NEGR1: variants seen among roughly 807,000 people sequenced by gnomAD.
NEGR1 encodes neuronal growth regulator 1, also known as IgLON family member 4.
NEGR1 carries 10 observed loss-of-function variants against 40.9 expected under a neutral mutation model. That is an observed-to-expected ratio of 0.24 (90% CI 0.15 to 0.42). The LOEUF (loss-of-function observed/expected upper bound fraction) is 0.42. Among genes scored for constraint, NEGR1 ranks in the 10% least tolerant of loss-of-function variants. The pLI is 1.00. For synonymous variants in NEGR1, 185 were observed against 166.8 expected, an observed-to-expected ratio of 1.11 and a Z score of -0.84; for missense variants, 352 against 438.9, an observed-to-expected ratio of 0.80 and a Z score of 1.77.
intron 1 of NEGR1, among the ~76,000 whole-genome samples, chr1:72,172,218 C>A (rs995743273): frequency 1.5e-4 from 23 of 152,056 alleles, no homozygotes; most frequent in African/African-American, 5.6e-4. Flanking sequence ...GAATTTCTTC[C>A]ACCTTAGGCA....
intron 1 of NEGR1, among the ~76,000 whole-genome samples, chr1:72,076,995 A>G (rs1647772732): frequency 6.7e-6 from 1 of 148,302 alleles, no homozygotes; most frequent in Non-Finnish European, 1.5e-5. Flanking sequence ...CCTGGGTTCA[A>G]GTGATTCTCC....
At chr1:72,061,814 A>G (rs1017880714) in intron 1 of NEGR1, among the ~76,000 whole-genome samples, 3 of 151,794 alleles carry the variant, frequency 2.0e-5, no homozygotes, top group African/African-American at 7.3e-5. Flanking sequence ...ATTGTATTCT[A>G]TGAAGCAAAA....
chr1:72,061,477 C>T (rs762717006), intron 1 of NEGR1, among the ~76,000 whole-genome samples: 1 of 151,762 alleles, frequency 6.6e-6, no homozygotes, highest in Non-Finnish European at 1.5e-5. Flanking sequence ...GTATCATTTT[C>T]ATCCACTTAA....
At chr1:71,480,827 A>G (rs542780732) in intron 6 of NEGR1, among the ~76,000 whole-genome samples, 1 of 151,986 alleles carries the variant, frequency 6.6e-6, no homozygotes, top group South Asian at 2.1e-4. Context: ...CTGTCAAAGA[A>G]CCCTGAAAAA....
intron 6 of NEGR1, among the ~76,000 whole-genome samples, chr1:71,484,464 T>G (rs1301153030): frequency 6.6e-6 from 1 of 151,800 alleles, no homozygotes; most frequent in African/African-American, 2.4e-5. Flanking sequence ...TTTATCTTTC[T>G]GTATAATGCT....
intron 6 of NEGR1, among the ~76,000 whole-genome samples, chr1:71,474,714 T>G (rs1215520335): frequency 2.9e-5 from 1 of 34,358 alleles, no homozygotes; most frequent in African/African-American, 8.2e-5. Context: ...CGAGACTCTA[T>G]CTCAAAAAAA....
At chr1:71,958,901 G>A (rs1229509299) in intron 1 of NEGR1, among the ~76,000 whole-genome samples, 2 of 149,866 alleles carry the variant, frequency 1.3e-5, no homozygotes, top group Non-Finnish European at 1.5e-5. Context: ...GTTGCAGTAA[G>A]CCGAGATTGT....
In NEGR1 at chr1:71,431,341, A is replaced by G. The variant is rs76194216; in HGVS notation, c.941-23771T>C. Among the ~76,000 whole-genome samples, 735 of 152,292 alleles carry G rather than the reference A, an allele frequency of 4.8e-3. 5 individuals are homozygous for G. Among genetic ancestry groups the G allele is most frequent in the African/African-American group, 0.016 (663 of 41,572 alleles). On this transcript the variant is annotated intron_variant, in intron 6 of 6. Transcript: ENST00000357731. ...TCCCAATTTTTCTAGCAAAGTGTAC[A>G]ATAATGGAAGAAGAAAAGAGCTGAA...
intron 6 of NEGR1, among the ~76,000 whole-genome samples, chr1:71,523,441 AATACTT>A (rs1647177972): frequency 6.6e-6 from 1 of 151,954 alleles, no homozygotes; most frequent in African/African-American, 2.4e-5. Context: ...GTTTGTTGAA[AATACTT>A]TTTAAACTAT....
At chr1:72,085,651 G>C (rs545747390) in intron 1 of NEGR1, among the ~76,000 whole-genome samples, 27 of 151,970 alleles carry the variant, frequency 1.8e-4, no homozygotes. Flanking sequence ...TTAGTATTTC[G>C]CTCTTAAAAT....
chr1:71,932,761 G>T (rs968958621), intron 2 of NEGR1, among the ~76,000 whole-genome samples: 1 of 152,014 alleles, frequency 6.6e-6, no homozygotes, highest in African/African-American at 2.4e-5. Flanking sequence ...TAGGCAAAGA[G>T]CATATGCTTC....
At chr1:71,663,312 C>A (rs908982728) in intron 4 of NEGR1, among the ~76,000 whole-genome samples, 2 of 151,996 alleles carry the variant, frequency 1.3e-5, no homozygotes, top group African/African-American at 2.4e-5. Flanking sequence ...CATATTATTG[C>A]AGCTTCTACA....
chr1:71,785,212 G>C (rs376974405), intron 2 of NEGR1, among the ~76,000 whole-genome samples: 1 of 152,264 alleles, frequency 6.6e-6, no homozygotes, highest in South Asian at 2.1e-4. Context: ...CAGCAGGCTG[G>C]AGCACACTTA....
intron 1 of NEGR1, among the ~76,000 whole-genome samples, chr1:72,202,824 C>T (rs1355562518): frequency 1.3e-5 from 2 of 152,028 alleles, no homozygotes; most frequent in East Asian, 3.9e-4. Context: ...GCTCATTTAT[C>T]ATTCTGAAAA....
At chr1:72,195,466 ATTT>A (rs887498088) in intron 1 of NEGR1, among the ~76,000 whole-genome samples, 1 of 151,958 alleles carries the variant, frequency 6.6e-6, no homozygotes, top group African/African-American at 2.4e-5. Flanking sequence ...AATAATTCAG[ATTT>A]TTTTCTTATT....
intron 1 of NEGR1, among the ~76,000 whole-genome samples, chr1:72,124,309 G>C (rs964945102): frequency 1.3e-5 from 2 of 151,792 alleles, no homozygotes; most frequent in Non-Finnish European, 2.9e-5. Context: ...AAATTCCCTA[G>C]GTAGACTTCT....
At chr1:72,018,064 A>C (rs1239803973) in intron 1 of NEGR1, among the ~76,000 whole-genome samples, 1 of 152,126 alleles carries the variant, frequency 6.6e-6, no homozygotes, top group East Asian at 1.9e-4. Flanking sequence ...AGGCACTGAA[A>C]AAATATTTTT....
intron 6 of NEGR1, among the ~76,000 whole-genome samples, chr1:71,548,977 T>C (rs1001970740): frequency 6.6e-6 from 1 of 151,596 alleles, no homozygotes; most frequent in Non-Finnish European, 1.5e-5. Context: ...GGATAGAGGT[T>C]GATAGTTTCC....
intron 2 of NEGR1, among the ~76,000 whole-genome samples, chr1:71,862,124 A>T (rs2101824110): frequency 6.6e-6 from 1 of 152,248 alleles, no homozygotes; most frequent in South Asian, 2.1e-4. Flanking sequence ...AATAGTAATC[A>T]TCTTTCTGAA....
Sources: allele counts gnomAD v4.1 joint callset (sites outside exome capture counted in the v4.1 genomes callset), GRCh38; gene constraint gnomAD v4.1.1; transcripts MANE v1.5; gene names NCBI Gene and HGNC (gene_info 2026-07-23, HGNC 2026-07-21).